Variants in SARDH observed in about 807,000 individuals in gnomAD.
SARDH encodes sarcosine dehydrogenase, mitochondrial.
A neutral mutation model predicts 109.1 loss-of-function variants in SARDH; 95 were observed. That is an observed-to-expected ratio of 0.87 (90% confidence interval 0.74 to 1.03). SARDH has a LOEUF of 1.03. Among genes scored for constraint, SARDH ranks in the 50% least tolerant of loss-of-function variants. SARDH has a pLI of 0.00. For missense variants in SARDH, 1,267 were observed against 1,287.8 expected (o/e 0.98, Z 0.25); for synonymous variants, 572 against 534.8 (o/e 1.07, Z -0.96).
intron 4 of SARDH, among the ~76,000 whole-genome samples, chr9:133,730,418 C>T (rs1178400643): frequency 6.7e-6 from 1 of 150,368 alleles, no homozygotes; most frequent in Non-Finnish European, 1.5e-5. Flanking sequence ...TTTCACTTGA[C>T]TTGTGGGGGG....
intron 6 of SARDH, among the ~76,000 whole-genome samples, chr9:133,722,642 G>GCGCTCTCTCTCTCTCT (rs1554758527): frequency 6.9e-6 from 1 of 145,748 alleles, no homozygotes; most frequent in South Asian, 2.2e-4. Context: ...AACTACTAGC[G>GCGCTCTCTCTCTCTCT]CTCTCTCTCT....
intron 17 of SARDH, among the ~76,000 whole-genome samples, chr9:133,675,066 G>A (rs139850575): frequency 7.4e-4 from 113 of 152,302 alleles, no homozygotes; most frequent in Non-Finnish European, 1.5e-3. Context: ...CAAAGGGGCC[G>A]GGTGTGGTGG....
chr9:133,703,922 G>A (rs1296622514), intron 12 of SARDH, among the ~76,000 whole-genome samples: 1 of 152,192 alleles, frequency 6.6e-6, no homozygotes, highest in African/African-American at 2.4e-5. Flanking sequence ...CTGGCTCCCG[G>A]GTGGGGGTGC....
At position 133,709,459 on chromosome 9, in the gene SARDH, C is replaced by T. The variant is rs985648606; in HGVS notation, c.1329-1031G>A. On this transcript the variant is annotated intron_variant, in intron 10 of 20. Coordinates refer to ENST00000439388, the MANE Select transcript of SARDH (RefSeq NM_001134707.2). This position sits in a 1 kb window ranked among gnomAD's most constrained non-coding sequence, Gnocchi z 4.2. ...CTGTCAGCCCCCGGCTTTCCCAGCACCCCGCCTCCCCCTCACGCTCCACCT... is the reference window on the plus strand; with the variant it reads ...CTGTCAGCCCCCGGCTTTCCCAGCATCCCGCCTCCCCCTCACGCTCCACCT... Among the ~76,000 whole-genome samples, 5 of 152,142 alleles carry T rather than the reference C, an allele frequency of 3.3e-5. No homozygotes were observed. Among genetic ancestry groups the T allele is most frequent in the African/African-American group, 1.2e-4 (5 of 41,424 alleles).
chr9:133,718,544 G>A lies in SARDH; in HGVS notation c.1020+394C>T, dbSNP rs1832209661. On this transcript the variant is annotated intron_variant, in intron 7 of 20. Coordinates refer to ENST00000439388, the MANE Select transcript of SARDH (RefSeq NM_001134707.2). This position sits in a 1 kb window ranked among gnomAD's most constrained non-coding sequence, Gnocchi z 4.2. ...TATACACATAGAACAGGGCTGCAGG[G>A]CTGCCCTAACCCCAGAAGCTGCCCG... 7 of 703,988 alleles carry A rather than the reference G, an allele frequency of 9.9e-6. No individual in the cohort carries two copies. The highest frequency in any genetic ancestry group is 4.7e-5 in the South Asian group (3 of 63,810). 43.6% of individuals were successfully genotyped at this position (703,988 alleles called of 1,614,324 possible).
At chr9:133,662,533 C>G (rs1328269141), downstream of SARDH, among the ~76,000 whole-genome samples, 1 of 152,208 alleles carries the variant, frequency 6.6e-6, no homozygotes, top group Non-Finnish European at 1.5e-5. The surrounding 1 kb of genome is among the most constrained non-coding windows in gnomAD (Gnocchi z 5.1). Context: ...CAACAGCCCC[C>G]ACCCTGGTCT....
rs1337485919 is a variant in SARDH, at chr9:133,706,850, G to GC, written c.1470+1436dup. Reference sequence around the variant, plus strand: ...CTGAGGGTCTGTCCCAACAGCACTTGCCCTCCCCTCCACCCCCGAGGCCCC... The same window carrying GC: ...CTGAGGGTCTGTCCCAACAGCACTTGCCCCTCCCCTCCACCCCCGAGGCCCC... On this transcript the variant is annotated intron_variant, in intron 11 of 20. Transcript: ENST00000439388. Among the ~76,000 whole-genome samples the GC allele has an allele frequency of 1.6e-4, 25 of 152,044 alleles. 1 individual carries two copies. The highest frequency in any genetic ancestry group is 1.6e-4 in the Non-Finnish European group (11 of 67,984).
At chr9:133,662,494 T>C (rs1588359240), downstream of SARDH, among the ~76,000 whole-genome samples, 1 of 152,058 alleles carries the variant, frequency 6.6e-6, no homozygotes. This position sits in a 1 kb window ranked among gnomAD's most constrained non-coding sequence, Gnocchi z 5.1. Flanking sequence ...AGGCTGCAGG[T>C]GTTCCTTCAG....
chr9:133,723,576 C>T (rs957198158), intron 6 of SARDH, among the ~76,000 whole-genome samples: 3 of 152,112 alleles, frequency 2.0e-5, no homozygotes, highest in Admixed American at 1.3e-4. Context: ...TCCTTGCTAA[C>T]GTGGTGAAAC....
At chr9:133,687,536 C>G (rs1310367978) in intron 16 of SARDH, among the ~76,000 whole-genome samples, 1 of 152,186 alleles carries the variant, frequency 6.6e-6, no homozygotes, top group African/African-American at 2.4e-5. Flanking sequence ...TCACCTCGGC[C>G]TCCCAAAGTG....
rs530988895 is a variant in SARDH at position 133,713,205 on chromosome 9, T to C, written c.1151-81A>G. ...GTGAGGTCTTCCAAGAGAGCAGTGA[T>C]CAGGCAGGGTCTGCAGGGGCCCCTC... On this transcript the variant is annotated intron_variant, in intron 8 of 20. Coordinates refer to ENST00000439388, the MANE Select transcript of SARDH (RefSeq NM_001134707.2). The C allele has an allele frequency of 3.1e-6, 4 of 1,275,740 alleles. No individual in the cohort carries two copies. The South Asian group carries it at 5.2e-5, about 17-fold the overall frequency. 79.0% of individuals were successfully genotyped at this position (1,275,740 alleles called of 1,614,324 possible).
At chr9:133,702,017 C>A (rs1831506627) in intron 13 of SARDH, among the ~76,000 whole-genome samples, 1 of 152,196 alleles carries the variant, frequency 6.6e-6, no homozygotes, top group African/African-American at 2.4e-5. Context: ...CCTAGAGGCC[C>A]CAGGAAGGAA....
At chr9:133,725,702 C>CAAAA (rs1031703369) in intron 6 of SARDH, 8 of 270,492 alleles carry the variant, frequency 3.0e-5, no homozygotes, top group Non-Finnish European at 4.5e-5. Context: ...AACAAACAAA[C>CAAAA]AAAAAAGCAG....
At chr9:133,680,355 T>G (rs572497772) in intron 17 of SARDH, among the ~76,000 whole-genome samples, 48 of 152,126 alleles carry the variant, frequency 3.2e-4, no homozygotes, top group African/African-American at 1.1e-3. Flanking sequence ...AACTCCCATC[T>G]CCCACCTGCC....
downstream of SARDH, among the ~76,000 whole-genome samples, chr9:133,661,359 C>CAAA (rs199777050): frequency 6.7e-6 from 1 of 148,634 alleles, no homozygotes; most frequent in African/African-American, 2.5e-5. Flanking sequence ...ACAACAACAA[C>CAAA]AAAAAAAAAC....
In SARDH at chr9:133,690,094, G is replaced by A. The variant is rs115048096; in HGVS notation, c.2069+286C>T. Among the ~76,000 whole-genome samples, 1,439 of 152,284 alleles carry A rather than the reference G, an allele frequency of 9.4e-3. 26 individuals are homozygous for A. The highest frequency in any genetic ancestry group is 0.033 in the African/African-American group (1,373 of 41,552). Reference sequence around the variant, plus strand: ...TTCTGCCCACTTTGGGATGGTGGACGGTAATTCCTAGACTGCACTGGTGAC... The same window carrying A: ...TTCTGCCCACTTTGGGATGGTGGACAGTAATTCCTAGACTGCACTGGTGAC... On this transcript the variant is annotated intron_variant, in intron 16 of 20. Coordinates refer to ENST00000439388, the MANE Select transcript of SARDH (RefSeq NM_001134707.2).
At chr9:133,717,207 C>T (rs1440780409) in intron 8 of SARDH, 119 bp downstream of exon 8, 18 of 1,307,154 alleles carry the variant, frequency 1.4e-5, no homozygotes, top group Non-Finnish European at 1.8e-5. Flanking sequence ...GCGAGAGGGA[C>T]CGGGGACAGC....
At chr9:133,673,539 T>C (rs1045263358) in intron 17 of SARDH, among the ~76,000 whole-genome samples, 2 of 152,234 alleles carry the variant, frequency 1.3e-5, no homozygotes, top group Non-Finnish European at 2.9e-5. Flanking sequence ...CCTGACACTT[T>C]AATCACATGG....
At chr9:133,671,865 C>T (rs1165823639) in intron 17 of SARDH, among the ~76,000 whole-genome samples, 168 bp from the exon 18 acceptor site, 1 of 152,200 alleles carries the variant, frequency 6.6e-6, no homozygotes, top group South Asian at 2.1e-4. Flanking sequence ...AGAGCTGCTC[C>T]CTCCAGCTGC....
Sources: gnomAD v4.1 joint callset for allele counts (sites outside exome capture counted in the v4.1 genomes callset) on GRCh38, gnomAD v4.1.1 for gene constraint, Gnocchi (gnomAD v3.1) non-coding constraint, MANE v1.5 for transcripts, NCBI Gene and HGNC (gene_info 2026-07-23, HGNC 2026-07-21) for gene names.